Variants in ZNF804B observed in about 807,000 individuals in gnomAD.
ZNF804B encodes zinc finger 804B.
ZNF804B carries 80 observed loss-of-function variants against 101.4 expected under a neutral mutation model. The ratio of observed to expected loss-of-function variants is 0.79; its 90% CI spans 0.66 to 0.95. The LOEUF (loss-of-function observed/expected upper bound fraction) is 0.95, where lower values mean the gene tolerates loss of function less well. Among genes scored for constraint, ZNF804B ranks in the 40% least tolerant of loss-of-function variants. The pLI, the probability that ZNF804B is intolerant of heterozygous loss-of-function variation, is 0.00. For missense variants in ZNF804B, 1,673 were observed against 1,561.9 expected, an observed-to-expected ratio of 1.07 and a Z score of -1.20; for synonymous variants, 622 against 558.8, an observed-to-expected ratio of 1.11 and a Z score of -1.59.
intron 1 of ZNF804B, among the ~76,000 whole-genome samples, chr7:89,034,109 A>G (rs1410322102): frequency 2.0e-5 from 3 of 152,136 alleles, no homozygotes; most frequent in African/African-American, 7.2e-5. Flanking sequence ...CCAGCTGAAG[A>G]ATTTCAAAGT....
intron 1 of ZNF804B, among the ~76,000 whole-genome samples, chr7:88,812,677 T>A (rs1203558950): frequency 2.0e-5 from 3 of 152,194 alleles, no homozygotes; most frequent in Non-Finnish European, 2.9e-5. Flanking sequence ...TATGTACATG[T>A]GTATGTACGT....
chr7:89,170,336 T>G (rs956611366), intron 1 of ZNF804B, among the ~76,000 whole-genome samples: 2 of 152,200 alleles, frequency 1.3e-5, no homozygotes, highest in Non-Finnish European at 2.9e-5. Flanking sequence ...AAAGTGTCAA[T>G]CCATTGCCTT....
intron 1 of ZNF804B, among the ~76,000 whole-genome samples, chr7:88,804,401 C>T (rs979311006): frequency 1.3e-5 from 2 of 152,100 alleles, no homozygotes; most frequent in African/African-American, 4.8e-5. Flanking sequence ...GTATGGTATG[C>T]TTCGAAAATA....
intron 2 of ZNF804B, among the ~76,000 whole-genome samples, chr7:89,242,147 G>A (rs777096251): frequency 2.0e-5 from 3 of 151,810 alleles, no homozygotes; most frequent in Non-Finnish European, 4.4e-5. Context: ...ATCCTTAATT[G>A]ATGAGGCTGG....
chr7:89,120,594 C>T (rs997962949), intron 1 of ZNF804B, among the ~76,000 whole-genome samples: 2 of 132,910 alleles, frequency 1.5e-5, no homozygotes, highest in African/African-American at 5.8e-5. Context: ...GGAGGCGGAG[C>T]TTGCAGTGAG....
chr7:88,950,042 A>C (rs1302869972), intron 1 of ZNF804B, among the ~76,000 whole-genome samples: 1 of 151,916 alleles, frequency 6.6e-6, no homozygotes, highest in African/African-American at 2.4e-5. Context: ...TTATTTTTGT[A>C]TGTTAACCAT....
At chr7:88,800,692 T>TTGTGTGTGTGTG (rs6150209) in intron 1 of ZNF804B, among the ~76,000 whole-genome samples, 182 of 146,714 alleles carry the variant, frequency 1.2e-3, no homozygotes, top group Middle Eastern at 6.9e-3. Context: ...TAGATATGAT[T>TTGTGTGTGTGTG]TGTGTGTGTG....
At chr7:88,911,569 A>G (rs1162853869) in intron 1 of ZNF804B, among the ~76,000 whole-genome samples, 2 of 151,264 alleles carry the variant, frequency 1.3e-5, no homozygotes, top group East Asian at 1.9e-4. Context: ...CACCACCAGC[A>G]CAGAGCGATA....
intron 1 of ZNF804B, among the ~76,000 whole-genome samples, chr7:88,770,759 A>G (rs1790049988): frequency 6.6e-6 from 1 of 152,150 alleles, no homozygotes; most frequent in Non-Finnish European, 1.5e-5. Flanking sequence ...TTGAAGCAAG[A>G]GTGTAGGGAA....
At position 89,009,440 on chromosome 7, in the gene ZNF804B, T is replaced by C. The variant is rs1022374053; in HGVS notation, c.109-208715T>C. On this transcript the variant is annotated intron_variant, in intron 1 of 3. Coordinates refer to ENST00000333190, the MANE Select transcript of ZNF804B (RefSeq NM_181646.5). ...TTAGGGAAATTTAATACCTGTCAAATTGAAAACACTATATATCTTGACAAT... is the reference window on the plus strand; with the variant it reads ...TTAGGGAAATTTAATACCTGTCAAACTGAAAACACTATATATCTTGACAAT... Among the ~76,000 whole-genome samples, 7 of 152,182 alleles carry C rather than the reference T, an allele frequency of 4.6e-5. No homozygotes were observed. The East Asian group carries it at 5.8e-4, about 13-fold the overall frequency.
At chr7:88,925,762 A>G (rs142441110) in intron 1 of ZNF804B, among the ~76,000 whole-genome samples, 1 of 152,272 alleles carries the variant, frequency 6.6e-6, no homozygotes, top group East Asian at 1.9e-4. Flanking sequence ...AGTAGAAAGG[A>G]TGGTGCAGGT....
At chr7:89,329,609 GTCA>G (rs1433310467) in intron 3 of ZNF804B, among the ~76,000 whole-genome samples, 3 of 151,530 alleles carry the variant, frequency 2.0e-5, no homozygotes, top group African/African-American at 7.3e-5. Context: ...CTTATAAAGG[GTCA>G]TCAAATTTGA....
At chr7:89,155,941 T>TG (rs1790953240) in intron 1 of ZNF804B, among the ~76,000 whole-genome samples, 1 of 143,584 alleles carries the variant, frequency 7.0e-6, no homozygotes, top group Non-Finnish European at 1.6e-5. Flanking sequence ...TCCCTTTCTC[T>TG]CCCTTCCTAC....
intron 1 of ZNF804B, among the ~76,000 whole-genome samples, chr7:88,872,987 T>C (rs1275423640): frequency 5.3e-5 from 8 of 151,976 alleles, no homozygotes; most frequent in African/African-American, 1.9e-4. Flanking sequence ...ATATACCCAG[T>C]AATGGGATGG....
chr7:89,198,717 T>C (rs2373870), intron 1 of ZNF804B, among the ~76,000 whole-genome samples: 113,974 of 151,724 alleles, frequency 0.75, 44,075 homozygotes, highest in African/African-American at 0.91. Flanking sequence ...AAGAATACAA[T>C]AGAAAATATA....
At chr7:89,207,687 A>G (rs749996767) in intron 1 of ZNF804B, among the ~76,000 whole-genome samples, 17 of 152,196 alleles carry the variant, frequency 1.1e-4, no homozygotes, top group Non-Finnish European at 2.2e-4. Context: ...TTATACCACC[A>G]TATATATTTC....
chr7:89,276,312 C>A (rs1270852510), intron 2 of ZNF804B, among the ~76,000 whole-genome samples: 1 of 151,658 alleles, frequency 6.6e-6, no homozygotes, highest in African/African-American at 2.4e-5. Flanking sequence ...TGCACATGTA[C>A]CCTGGAACTT....
chr7:89,215,755 C>G (rs1256896635), intron 1 of ZNF804B, among the ~76,000 whole-genome samples: 2 of 151,702 alleles, frequency 1.3e-5, no homozygotes, highest in Admixed American at 1.3e-4. Context: ...TGGCAGCGGG[C>G]TCCTGTAGTG....
At chr7:89,120,501 C>T (rs950048233) in intron 1 of ZNF804B, among the ~76,000 whole-genome samples, 17 of 151,056 alleles carry the variant, frequency 1.1e-4, no homozygotes, top group Non-Finnish European at 4.4e-5. Flanking sequence ...ACTAAAAATA[C>T]AAAAAAATTA....
Sources: gnomAD v4.1 joint callset for allele counts (sites outside exome capture counted in the v4.1 genomes callset) on GRCh38, gnomAD v4.1.1 for gene constraint, MANE v1.5 for transcripts, NCBI Gene and HGNC (gene_info 2026-07-23, HGNC 2026-07-21) for gene names.